SCGB2B2: variants seen among roughly 807,000 people sequenced by gnomAD.
SCGB2B2 encodes the protein secretoglobin family 2B member 2.
In SCGB2B2, 11 loss-of-function variants were observed where a neutral mutation model predicts 7.6. The ratio of observed to expected loss-of-function variants is 1.45; its 90% confidence interval spans 0.91 to 2.40. SCGB2B2 has a LOEUF of 2.40. Ranked by LOEUF, SCGB2B2 falls within the 30% of genes most tolerant of loss-of-function variation. SCGB2B2 has a pLI of 0.00. For synonymous variants in SCGB2B2, 50 were observed against 48.6 expected, an observed-to-expected ratio of 1.03 and a Z score of -0.12; for missense variants, 104 against 115.4, an observed-to-expected ratio of 0.90 and a Z score of 0.45.
intron 1 of SCGB2B2, among the ~76,000 whole-genome samples, chr19:34,602,160 G>A (rs1345406522): frequency 6.6e-6 from 1 of 152,112 alleles, no homozygotes; most frequent in African/African-American, 2.4e-5. Flanking sequence ...AAGGAAAGAT[G>A]ATGAATTTTA....
chr19:34,618,477 A>G (rs971389291), intron 1 of SCGB2B2, among the ~76,000 whole-genome samples: 3 of 152,226 alleles, frequency 2.0e-5, no homozygotes, highest in African/African-American at 7.2e-5. Context: ...TTCAAATCTT[A>G]GCCAACTTTC....
chr19:34,658,180 A>G (rs1407569324), intron 1 of SCGB2B2, among the ~76,000 whole-genome samples: 2 of 152,180 alleles, frequency 1.3e-5, no homozygotes, highest in African/African-American at 4.8e-5. Context: ...CATCACAATT[A>G]AAAGAACGAG....
intron 1 of SCGB2B2, chr19:34,638,216 G>A (rs962756467): frequency 5.9e-5 from 9 of 152,240 alleles, no homozygotes; most frequent in African/African-American, 2.2e-4. Context: ...TGGAAGCTGA[G>A]GTGGGCAGAT....
intron 1 of SCGB2B2, among the ~76,000 whole-genome samples, chr19:34,665,854 G>T (rs965082494): frequency 1.8e-4 from 27 of 152,176 alleles, no homozygotes; most frequent in African/African-American, 6.5e-4. Context: ...GCCCTCAGAG[G>T]ACCCCACTCC....
chr19:34,594,789 A>G lies in SCGB2B2; in HGVS notation c.-226T>C. The G allele has an allele frequency of 1.7e-6, 1 of 575,112 alleles. No homozygotes were observed. The highest frequency in any genetic ancestry group is 2.7e-5 in the Admixed American group (1 of 36,480). The allele number at this position is 575,112 out of a possible 1,614,324, so 35.6% of individuals were successfully genotyped here. On this transcript the variant is annotated 5_prime_UTR_variant, in exon 2 of 4. It removes an upstream start codon present in the reference 5' UTR. Transcript: ENST00000601241. ...CAGCGTATCGGGAACTGGACTCAGC[A>G]TGCAGTGGGAGGGGTTGGGTGTTGT...
downstream of SCGB2B2, among the ~76,000 whole-genome samples, chr19:34,588,568 A>G (rs1321418551): frequency 6.6e-6 from 1 of 152,244 alleles, no homozygotes; most frequent in African/African-American, 2.4e-5. Flanking sequence ...GGTAAATGTC[A>G]GGCCTGGTGA....
At chr19:34,642,344 A>G (rs2066866338) in intron 1 of SCGB2B2, among the ~76,000 whole-genome samples, 1 of 152,148 alleles carries the variant, frequency 6.6e-6, no homozygotes, top group Non-Finnish European at 1.5e-5. Flanking sequence ...AGATTGTACC[A>G]TGGCACATAT....
At chr19:34,599,548 G>C (rs368615096) in intron 1 of SCGB2B2, among the ~76,000 whole-genome samples, 1 of 152,162 alleles carries the variant, frequency 6.6e-6, no homozygotes. Flanking sequence ...ATCAGATCTC[G>C]TGAGACTTAT....
chr19:34,588,023 G>A (rs558645163), downstream of SCGB2B2, among the ~76,000 whole-genome samples: 28 of 152,206 alleles, frequency 1.8e-4, no homozygotes, highest in African/African-American at 6.3e-4. Context: ...TTTGATATCC[G>A]GATAATGGTG....
intron 1 of SCGB2B2, among the ~76,000 whole-genome samples, chr19:34,615,902 T>C (rs910949572): frequency 1.4e-5 from 2 of 147,732 alleles, no homozygotes; most frequent in South Asian, 2.2e-4. Flanking sequence ...TGTGTTCTCA[T>C]TGTTCAATTC....
At chr19:34,611,168 TCTA>T (rs1481811311) in intron 1 of SCGB2B2, among the ~76,000 whole-genome samples, 2 of 151,860 alleles carry the variant, frequency 1.3e-5, no homozygotes, top group African/African-American at 4.8e-5. Flanking sequence ...AGTTGTGATG[TCTA>T]CTATTTCATT....
chr19:34,586,175 TTCTTC>T (rs1254161896), downstream of SCGB2B2, among the ~76,000 whole-genome samples: 1 of 152,222 alleles, frequency 6.6e-6, no homozygotes, highest in Non-Finnish European at 1.5e-5. Context: ...CTTTTTAATG[TTCTTC>T]TCTTCATTAA....
intron 1 of SCGB2B2, among the ~76,000 whole-genome samples, chr19:34,614,673 C>T: frequency 6.6e-6 from 1 of 152,178 alleles, no homozygotes. Flanking sequence ...TATTTCCTTG[C>T]TTTTAAATGT....
chr19:34,592,335 C>T lies in SCGB2B2; in HGVS notation c.*1220G>A, dbSNP rs1198637089. Among the ~76,000 whole-genome samples, 1 of 152,062 alleles carries T rather than the reference C, an allele frequency of 6.6e-6. No individual in the cohort carries two copies. Among genetic ancestry groups the T allele is most frequent in the Admixed American group, 6.5e-5 (1 of 15,276 alleles). ...GTCTGCACTTGTAGGGAAATGAGCTCTCAAAGATCCAGGGAGAAAGAAGAT... is the reference window on the plus strand; with the variant it reads ...GTCTGCACTTGTAGGGAAATGAGCTTTCAAAGATCCAGGGAGAAAGAAGAT... On this transcript the variant is annotated 3_prime_UTR_variant, in exon 4 of 4. Transcript: ENST00000601241.
At chr19:34,605,920 G>A (rs191047750) in intron 1 of SCGB2B2, among the ~76,000 whole-genome samples, 19 of 152,020 alleles carry the variant, frequency 1.2e-4, no homozygotes, top group African/African-American at 4.3e-4. Context: ...AGGTATCAAT[G>A]TATCTTTATT....
intron 1 of SCGB2B2, among the ~76,000 whole-genome samples, chr19:34,631,475 T>C (rs1245230956): frequency 6.6e-6 from 1 of 152,130 alleles, no homozygotes; most frequent in African/African-American, 2.4e-5. Context: ...AAAAATTGTA[T>C]TTCTATGTAC....
At chr19:34,620,513 C>T (rs1452729254) in intron 1 of SCGB2B2, among the ~76,000 whole-genome samples, 1 of 3,516 alleles carries the variant, frequency 2.8e-4, no homozygotes, top group Admixed American at 3.2e-3. Context: ...GTACATCACA[C>T]ACCAGGGTGG....
At chr19:34,612,060 G>T (rs2065947580) in intron 1 of SCGB2B2, among the ~76,000 whole-genome samples, 8 of 59,484 alleles carry the variant, frequency 1.3e-4, no homozygotes, top group East Asian at 6.7e-4. Context: ...TTTTTTTTTA[G>T]GATAGTCTCA....
chr19:34,600,249 T>C (rs192790179), intron 1 of SCGB2B2, among the ~76,000 whole-genome samples: 60 of 152,320 alleles, frequency 3.9e-4, no homozygotes, highest in Non-Finnish European at 4.7e-4. Context: ...CGTATCTTAC[T>C]TTTTTGTTCC....
Sources: allele counts gnomAD v4.1 joint callset (sites outside exome capture counted in the v4.1 genomes callset), GRCh38; gene constraint gnomAD v4.1.1; transcripts MANE v1.5; gene names NCBI Gene and HGNC (gene_info 2026-07-23, HGNC 2026-07-21).